RBFOX1: variants seen among roughly 807,000 people sequenced by gnomAD.
The protein encoded by RBFOX1 is RNA binding protein fox-1 homolog 1.
RBFOX1 carries 8 observed loss-of-function variants against 57.7 expected under a neutral mutation model. The observed-to-expected ratio is 0.14, with a 90% CI of 0.08 to 0.25. RBFOX1 has a LOEUF of 0.25. Ranked by LOEUF, RBFOX1 falls within the 10% of genes least tolerant of loss-of-function variation. The pLI, the probability that RBFOX1 is intolerant of heterozygous loss-of-function variation, is 1.00. For missense variants in RBFOX1, 611 were observed against 548.5 expected, an observed-to-expected ratio of 1.11 and a Z score of -1.14; for synonymous variants, 326 against 222.4, an observed-to-expected ratio of 1.47 and a Z score of -4.15.
At chr16:7,700,273 A>T (rs1347983394) in intron 14 of RBFOX1, among the ~76,000 whole-genome samples, 1 of 152,160 alleles carries the variant, frequency 6.6e-6, no homozygotes, top group Non-Finnish European at 1.5e-5. Flanking sequence ...TCACTTGTTT[A>T]GTCCTTAACT....
At chr16:6,701,855 A>G (rs2061903756) in intron 3 of RBFOX1, among the ~76,000 whole-genome samples, 1 of 152,162 alleles carries the variant, frequency 6.6e-6, no homozygotes, top group Non-Finnish European at 1.5e-5. Context: ...TAGGAACAGA[A>G]AAGCAAATAC....
chr16:6,056,785 C>T (rs1184246538), intron 1 of RBFOX1, among the ~76,000 whole-genome samples: 6 of 150,648 alleles, frequency 4.0e-5, no homozygotes, highest in Non-Finnish European at 7.4e-5. Context: ...TAATATGGAT[C>T]AACAGTGATA....
rs980959655 is a variant in RBFOX1, at chr16:7,568,830, T to A, written c.271-10947T>A. 4.6e-5 allele frequency among the ~76,000 whole-genome samples: 6 copies of A among 129,532 alleles called. No individual in the cohort carries two copies. In the South Asian group the frequency reaches 9.5e-4, roughly 21 times the overall value. 85.0% of individuals were successfully genotyped at this position (129,532 alleles called of 152,430 possible). ...TGAACCCGGGAGGCGGAGCTTACAG[T>A]GAGCTGAGATCACGCCACTGCACTC... On this transcript the variant is annotated intron_variant, in intron 5 of 15. Coordinates refer to ENST00000550418, the MANE Select transcript of RBFOX1 (RefSeq NM_018723.4).
chr16:5,907,962 G>A (rs183676088), intron 4 of RBFOX1, among the ~76,000 whole-genome samples: 34 of 151,746 alleles, frequency 2.2e-4, no homozygotes, highest in African/African-American at 8.2e-4. Context: ...TGTTGGCCAG[G>A]CTGATCTCAA....
At chr16:5,252,456 TG>T (rs1243628172) in intron 1 of RBFOX1, among the ~76,000 whole-genome samples, 2 of 152,214 alleles carry the variant, frequency 1.3e-5, no homozygotes, top group African/African-American at 4.8e-5. Context: ...GAGTTCCGTG[TG>T]GGGGTTATCA....
intron 1 of RBFOX1, among the ~76,000 whole-genome samples, chr16:6,249,852 G>A (rs2097594130): frequency 6.7e-6 from 1 of 149,148 alleles, no homozygotes; most frequent in Non-Finnish European, 1.5e-5. Context: ...GTATACATGT[G>A]CCATGTTGGT....
At chr16:7,084,704 C>G (rs2059718231) in intron 4 of RBFOX1, among the ~76,000 whole-genome samples, 1 of 152,210 alleles carries the variant, frequency 6.6e-6, no homozygotes, top group Admixed American at 6.5e-5. Flanking sequence ...AATGAGGTTT[C>G]TCCGTAATGT....
intron 2 of RBFOX1, among the ~76,000 whole-genome samples, chr16:6,626,236 T>A (rs1233466572): frequency 6.6e-6 from 1 of 151,978 alleles, no homozygotes; most frequent in Non-Finnish European, 1.5e-5. Context: ...TGATTTTGTG[T>A]CCTGTTCAAC....
At chr16:5,800,981 T>G (rs2055037790) in intron 3 of RBFOX1, among the ~76,000 whole-genome samples, 1 of 152,178 alleles carries the variant, frequency 6.6e-6, no homozygotes, top group Non-Finnish European at 1.5e-5. Context: ...AGAGGCAGGC[T>G]TAAGTGCAAG....
rs117280191 is a variant in RBFOX1, at chr16:7,377,595, T to C, written c.28-140552T>C. On this transcript the variant is annotated intron_variant, in intron 4 of 15. Transcript: ENST00000550418. ...AAATGTTTTAGATTTGTCTATGGCATTATTCTTTATCAGTATAACTTTATA... is the reference window on the plus strand; with the variant it reads ...AAATGTTTTAGATTTGTCTATGGCACTATTCTTTATCAGTATAACTTTATA... Among the ~76,000 whole-genome samples, 51 of 152,366 alleles carry C rather than the reference T, an allele frequency of 3.3e-4. No individual in the cohort carries two copies. The East Asian group carries it at 9.8e-3, about 29-fold the overall frequency.
intron 2 of RBFOX1, among the ~76,000 whole-genome samples, chr16:6,539,806 G>GACACAGACACACACACACACACACACAC (rs1555534083): frequency 1.5e-5 from 2 of 136,326 alleles, no homozygotes; most frequent in East Asian, 2.7e-4. Flanking sequence ...TCAAAACACA[G>GACACAGACACACACACACACACACACAC]ACACACACAC....
chr16:6,107,322 A>G (rs968638787), intron 1 of RBFOX1, among the ~76,000 whole-genome samples: 5 of 152,020 alleles, frequency 3.3e-5, no homozygotes, highest in Non-Finnish European at 7.4e-5. Context: ...CCCTCCAGGC[A>G]AGTCACTTTC....
chr16:6,738,480 A>T (rs1027213455), intron 3 of RBFOX1, among the ~76,000 whole-genome samples: 1 of 152,178 alleles, frequency 6.6e-6, no homozygotes, highest in Non-Finnish European at 1.5e-5. Flanking sequence ...GAGCTGTAAA[A>T]TCTGTGAAGC....
chr16:5,620,542 C>G (rs1041861413), intron 3 of RBFOX1, among the ~76,000 whole-genome samples: 1 of 152,160 alleles, frequency 6.6e-6, no homozygotes, highest in Non-Finnish European at 1.5e-5. Context: ...CTTCTGAGAC[C>G]TGTCTCCTTG....
intron 1 of RBFOX1, among the ~76,000 whole-genome samples, chr16:6,198,478 G>A (rs146883924): frequency 4.6e-5 from 7 of 152,120 alleles, no homozygotes; most frequent in African/African-American, 1.2e-4. Context: ...TTAAAATAGA[G>A]GACAATGAAT....
At chr16:5,331,045 C>T (rs1181215566) in intron 1 of RBFOX1, among the ~76,000 whole-genome samples, 1 of 152,048 alleles carries the variant, frequency 6.6e-6, no homozygotes, top group Non-Finnish European at 1.5e-5. Context: ...GTATCAGGCA[C>T]CAAACTCTGA....
intron 3 of RBFOX1, among the ~76,000 whole-genome samples, chr16:6,689,917 A>G (rs898960820): frequency 2.6e-5 from 4 of 152,304 alleles, no homozygotes; most frequent in East Asian, 1.9e-4. Flanking sequence ...GTGTTTGTCA[A>G]TTGAGAATCA....
chr16:6,672,061 C>G (rs1278501927), intron 3 of RBFOX1, among the ~76,000 whole-genome samples: 1 of 152,188 alleles, frequency 6.6e-6, no homozygotes, highest in Non-Finnish European at 1.5e-5. Flanking sequence ...GTGAACCCAT[C>G]CGATAGTTGT....
At chr16:5,427,667 C>T (rs1378820369) in intron 1 of RBFOX1, among the ~76,000 whole-genome samples, 1 of 152,090 alleles carries the variant, frequency 6.6e-6, no homozygotes, top group Non-Finnish European at 1.5e-5. Flanking sequence ...AGGCTCAGGA[C>T]ATAGACAAGG....
Sources: allele counts gnomAD v4.1 joint callset (sites outside exome capture counted in the v4.1 genomes callset), GRCh38; gene constraint gnomAD v4.1.1; transcripts MANE v1.5; gene names NCBI Gene and HGNC (gene_info 2026-07-23, HGNC 2026-07-21).